Variants in MTPN observed in about 807,000 individuals in gnomAD.
MTPN encodes the protein myotrophin.
In MTPN, 2 loss-of-function variants were observed where a neutral mutation model predicts 13.5. The ratio of observed to expected loss-of-function variants is 0.15; its 90% confidence interval spans 0.06 to 0.47. MTPN has a LOEUF of 0.47. Among genes scored for constraint, MTPN ranks in the 20% least tolerant of loss-of-function variants. MTPN has a pLI of 0.97. For synonymous variants in MTPN, 46 were observed against 51.7 expected (o/e 0.89, Z 0.48); for missense variants, 79 against 137.9 (o/e 0.57, Z 2.14).
chr7:135,965,579 A>G (rs1452203750), intron 1 of MTPN, among the ~76,000 whole-genome samples: 1 of 152,104 alleles, frequency 6.6e-6, no homozygotes, highest in East Asian at 1.9e-4. Flanking sequence ...TTTCACAAGG[A>G]AGCATGCACA....
At chr7:135,944,731 T>C (rs1799264602) in intron 3 of MTPN, among the ~76,000 whole-genome samples, 1 of 152,226 alleles carries the variant, frequency 6.6e-6, no homozygotes, top group Non-Finnish European at 1.5e-5. Context: ...CTATTATTTC[T>C]CTTACAGAAT....
intron 1 of MTPN, 81 bp downstream of exon 1, chr7:135,976,948 C>CCCCACCCCAA: frequency 9.5e-7 from 1 of 1,048,356 alleles, no homozygotes. Context: ...CCCATCCCCG[C>CCCCACCCCAA]AGTCCAGCTC....
intron 3 of MTPN, among the ~76,000 whole-genome samples, chr7:135,941,969 C>T (rs1269039043): frequency 6.6e-6 from 1 of 151,216 alleles, no homozygotes; most frequent in African/African-American, 2.4e-5. Context: ...CTACAAACTC[C>T]ACCTCCCGGG....
intron 3 of MTPN, among the ~76,000 whole-genome samples, chr7:135,934,376 G>A (rs888404780): frequency 2.6e-5 from 4 of 152,104 alleles, no homozygotes; most frequent in Non-Finnish European, 2.9e-5. Context: ...GAGCTGGCTC[G>A]TCCTACAGCT....
intron 3 of MTPN, among the ~76,000 whole-genome samples, chr7:135,949,821 C>A (rs1408884939): frequency 6.6e-6 from 1 of 152,176 alleles, no homozygotes; most frequent in Non-Finnish European, 1.5e-5. Flanking sequence ...TATACATCTA[C>A]TCATTTCTGT....
In MTPN at chr7:135,977,355, C is replaced by T; in HGVS notation, c.-255G>A. The T allele has an allele frequency of 1.9e-6, 1 of 540,136 alleles. No individual in the cohort carries two copies. Among genetic ancestry groups the T allele is most frequent in the Non-Finnish European group, 3.3e-6 (1 of 299,162 alleles). 33.5% of individuals were successfully genotyped at this position (540,136 alleles called of 1,614,324 possible). A position where few individuals can be genotyped will look rare whatever the true frequency, so the allele number is the denominator to read the frequency against. The stretch of plus-strand genomic sequence containing the variant: ...GGCCGAGGAGAGGCAGGAACCTTTA[C>T]ACTTCCGGTTCACTCCCCGCTAGGA... On this transcript the variant is annotated 5_prime_UTR_variant, in exon 1 of 4. Transcript: ENST00000393085.
At position 135,956,261 on chromosome 7, in the gene MTPN, T is replaced by C. The variant is rs186152387; in HGVS notation, c.73-4631A>G. On this transcript the variant is annotated intron_variant, in intron 1 of 3. Coordinates refer to ENST00000393085, the MANE Select transcript of MTPN (RefSeq NM_145808.4). ...TCCTTTCTTCCCTGCCTCCGGCCTA[T>C]ACTTTAGGCCTTAGTGACATTAGCA... Among the ~76,000 whole-genome samples the C allele has an allele frequency of 1.3e-4, 20 of 152,308 alleles. No homozygotes were observed. The East Asian group carries it at 2.7e-3, about 21-fold the overall frequency.
intron 3 of MTPN, among the ~76,000 whole-genome samples, chr7:135,933,929 TAA>T (rs1562928506): frequency 6.6e-6 from 1 of 152,030 alleles, no homozygotes; most frequent in Non-Finnish European, 1.5e-5. Context: ...CCTGGTTGCT[TAA>T]AAGTGTGTAG....
In MTPN at chr7:135,927,147, TCAAA is replaced by T. The variant is rs958984848; in HGVS notation, c.*2775_*2778del. 4 of 619,584 alleles carry T rather than the reference TCAAA, an allele frequency of 6.5e-6. No individual in the cohort carries two copies. The highest frequency in any genetic ancestry group is 3.8e-5 in the African/African-American group (2 of 52,722). 38.4% of individuals were successfully genotyped at this position (619,584 alleles called of 1,614,324 possible). A position where few individuals can be genotyped will look rare whatever the true frequency, so the allele number is the denominator to read the frequency against. ...TCAACTGAAATATTAGAAAAAAAAA[TCAAA>T]CAGATACATACAGATTTAAAATCCA... On this transcript the variant is annotated 3_prime_UTR_variant, in exon 4 of 4. Coordinates refer to ENST00000393085, the MANE Select transcript of MTPN (RefSeq NM_145808.4).
chr7:135,942,517 T>C (rs1799230880), intron 3 of MTPN, among the ~76,000 whole-genome samples: 1 of 152,208 alleles, frequency 6.6e-6, no homozygotes, highest in African/African-American at 2.4e-5. Flanking sequence ...CCCTTCTTGC[T>C]AGTTGTGTGA....
At chr7:135,972,551 A>G (rs1799713083) in intron 1 of MTPN, among the ~76,000 whole-genome samples, 1 of 152,242 alleles carries the variant, frequency 6.6e-6, no homozygotes. Context: ...TGAATTTCTT[A>G]CCAGAAACAT....
intron 1 of MTPN, among the ~76,000 whole-genome samples, chr7:135,960,239 G>C (rs902749882): frequency 2.0e-5 from 3 of 152,110 alleles, no homozygotes; most frequent in Non-Finnish European, 4.4e-5. Flanking sequence ...TACAGAAAAG[G>C]AGATGTAAGG....
At chr7:135,932,603 T>A (rs1206946851) in intron 3 of MTPN, 1 of 151,980 alleles carries the variant, frequency 6.6e-6, no homozygotes, top group Non-Finnish European at 1.5e-5. Flanking sequence ...TATATATACA[T>A]ATATACTTCT....
chr7:135,973,230 G>A (rs1200775479), intron 1 of MTPN, among the ~76,000 whole-genome samples: 1 of 146,386 alleles, frequency 6.8e-6, no homozygotes, highest in African/African-American at 2.5e-5. Context: ...CTTCTTTCCA[G>A]CCTGGACTAT....
intron 3 of MTPN, among the ~76,000 whole-genome samples, chr7:135,938,944 T>A (rs549235128): frequency 6.6e-6 from 1 of 152,314 alleles, no homozygotes; most frequent in African/African-American, 2.4e-5. Context: ...AAATTTTCTA[T>A]CCAAAATAGT....
At chr7:135,976,584 A>C (rs7781127) in intron 1 of MTPN, among the ~76,000 whole-genome samples, 59,194 of 152,014 alleles carry the variant, frequency 0.39, 11,984 homozygotes, top group African/African-American at 0.46. Flanking sequence ...CCAGGCCGAG[A>C]GTTAAAAAAC....
At chr7:135,967,290 C>G (rs1175088033) in intron 1 of MTPN, among the ~76,000 whole-genome samples, 1 of 151,932 alleles carries the variant, frequency 6.6e-6, no homozygotes, top group Non-Finnish European at 1.5e-5. Context: ...TAGATGTCAC[C>G]AAGAAACAAT....
In MTPN at chr7:135,929,074, A is replaced by G. The variant is rs542231716; in HGVS notation, c.*852T>C. 2 of 167,218 alleles carry G rather than the reference A, an allele frequency of 1.2e-5. No homozygotes were observed. Among genetic ancestry groups the G allele is most frequent in the South Asian group, 4.1e-4 (2 of 4,822 alleles). The allele number at this position is 167,218 out of a possible 1,614,324, so 10.4% of individuals were successfully genotyped here. ...GTACTAAGATAACTGTTCTCTCTTC[A>G]TATGATACTAACAGGCTTATGGCTA... On this transcript the variant is annotated 3_prime_UTR_variant, in exon 4 of 4. Transcript: ENST00000393085.
rs956857219 is a variant in MTPN at position 135,929,024 on chromosome 7, A to G, written c.*902T>C. The G allele has an allele frequency of 1.2e-5, 2 of 167,084 alleles. No homozygotes were observed. The highest frequency in any genetic ancestry group is 2.9e-5 in the Non-Finnish European group (2 of 68,118). 10.4% of individuals were successfully genotyped at this position (167,084 alleles called of 1,614,324 possible). The stretch of plus-strand genomic sequence containing the variant: ...CACATAACCAAGGTCAATCCATTCA[A>G]ACAGCAAATAAAGAAAATCCATAGG... On this transcript the variant is annotated 3_prime_UTR_variant, in exon 4 of 4. Transcript: ENST00000393085.
Sources: allele counts gnomAD v4.1 joint callset (sites outside exome capture counted in the v4.1 genomes callset), GRCh38; gene constraint gnomAD v4.1.1; transcripts MANE v1.5; gene names NCBI Gene and HGNC (gene_info 2026-07-23, HGNC 2026-07-21).